PDE7B: variants seen among roughly 807,000 people sequenced by gnomAD.
PDE7B encodes phosphodiesterase 7B, also known as 3',5'-cyclic-AMP phosphodiesterase 7B.
Under a neutral mutation model 56.2 loss-of-function variants are expected in PDE7B, and 29 were observed. The observed-to-expected ratio is 0.52, with a 90% CI of 0.38 to 0.70. PDE7B has a LOEUF of 0.70. PDE7B is among the 30% of genes least tolerant of loss of function. The pLI, the probability that PDE7B is intolerant of heterozygous loss-of-function variation, is 0.00. For synonymous variants in PDE7B, 197 were observed against 196.9 expected (o/e 1.00, Z 0.00); for missense variants, 490 against 565.0 (o/e 0.87, Z 1.35).
chr6:136,007,393 G>A (rs900131005), intron 2 of PDE7B, among the ~76,000 whole-genome samples: 2 of 152,092 alleles, frequency 1.3e-5, no homozygotes, highest in Non-Finnish European at 2.9e-5. Flanking sequence ...CCTTTGTCAG[G>A]TTTTGGTATC....
chr6:136,123,903 G>A (rs9483909), intron 3 of PDE7B, among the ~76,000 whole-genome samples: 5,104 of 152,184 alleles, frequency 0.034, 268 homozygotes, highest in African/African-American at 0.11. Flanking sequence ...GACTAATAGA[G>A]TAATACAATA....
intron 3 of PDE7B, among the ~76,000 whole-genome samples, chr6:136,130,741 TG>T (rs1262410382): frequency 9.9e-5 from 15 of 152,036 alleles, no homozygotes; most frequent in Admixed American, 6.6e-5. Context: ...TACCCGAGAC[TG>T]GGTAATTTAT....
chr6:135,910,568 T>C (rs1776194610), intron 1 of PDE7B, among the ~76,000 whole-genome samples: 1 of 152,212 alleles, frequency 6.6e-6, no homozygotes, highest in African/African-American at 2.4e-5. Flanking sequence ...AGTTGATGCA[T>C]CTACAATGAC....
rs138069820 is a variant in PDE7B at position 135,997,683 on chromosome 6, C to T, written c.82+50159C>T. 4.4e-3 allele frequency among the ~76,000 whole-genome samples: 673 copies of T among 152,016 alleles called. 3 individuals carry two copies. The highest frequency in any genetic ancestry group is 6.7e-3 in the Admixed American group (103 of 15,278). ...ATTATCATAGAAGCATATGTTGAAACATCATTAAACACTATATTTGCAAAA... is the reference window on the plus strand; with the variant it reads ...ATTATCATAGAAGCATATGTTGAAATATCATTAAACACTATATTTGCAAAA... On this transcript the variant is annotated intron_variant, in intron 2 of 12. Transcript: ENST00000308191.
chr6:135,990,912 C>T (rs1274072355), intron 2 of PDE7B, among the ~76,000 whole-genome samples: 1 of 152,110 alleles, frequency 6.6e-6, no homozygotes, highest in African/African-American at 2.4e-5. Context: ...TGCTAGTTGC[C>T]CATTTTTATG....
At position 135,919,325 on chromosome 6, in the gene PDE7B, G is replaced by A. The variant is rs567823069; in HGVS notation, c.22-28139G>A. Among the ~76,000 whole-genome samples the A allele has an allele frequency of 1.8e-4, 27 of 152,228 alleles. 1 individual carries two copies. The South Asian group carries it at 5.6e-3, about 32-fold the overall frequency. Reference sequence around the variant, plus strand: ...GAGGCCTTTTAGGAGGCTTACCTAGGGAACCAGTCTTCCAGATGTTACCAA... The same window carrying A: ...GAGGCCTTTTAGGAGGCTTACCTAGAGAACCAGTCTTCCAGATGTTACCAA... On this transcript the variant is annotated intron_variant, in intron 1 of 12. Coordinates refer to ENST00000308191, the MANE Select transcript of PDE7B (RefSeq NM_018945.4).
chr6:135,971,941 T>C (rs534002596), intron 2 of PDE7B, among the ~76,000 whole-genome samples: 1 of 152,170 alleles, frequency 6.6e-6, no homozygotes, highest in South Asian at 2.1e-4. Context: ...AACGCTATAG[T>C]AAACAGGGAT....
At chr6:136,180,313 A>G (rs1364766031) in intron 10 of PDE7B, among the ~76,000 whole-genome samples, 1 of 152,236 alleles carries the variant, frequency 6.6e-6, no homozygotes, top group East Asian at 1.9e-4. Context: ...AGTTGTGAAT[A>G]GCTGAAAGAT....
At chr6:136,011,478 TC>T (rs1180735855) in intron 2 of PDE7B, among the ~76,000 whole-genome samples, 1 of 152,168 alleles carries the variant, frequency 6.6e-6, no homozygotes, top group Non-Finnish European at 1.5e-5. Context: ...TTTAAACAGA[TC>T]TCTTATTATG....
chr6:135,935,218 T>TTATATATATA (rs1774401330), intron 1 of PDE7B, among the ~76,000 whole-genome samples: 1 of 34,732 alleles, frequency 2.9e-5, no homozygotes. Context: ...ATATATATAT[T>TTATATATATA]TTCATGATTC....
At position 136,187,033 on chromosome 6, in the gene PDE7B, T is replaced by C. The variant is rs1321750994; in HGVS notation, c.1046-3T>C. On this transcript the variant is annotated splice_region_variant and splice_polypyrimidine_tract_variant and intron_variant, in intron 11 of 12. Coordinates refer to ENST00000308191, the MANE Select transcript of PDE7B (RefSeq NM_018945.4). ...GTTTTTTTCTTTCTTTCTTTCTTCT[T>C]AGGTGAACTTGAACAGAAATTTGAA... 1.3e-6 allele frequency: 2 copies of C among 1,488,794 alleles called. No individual in the cohort carries two copies. The highest frequency in any genetic ancestry group is 2.3e-5 in the East Asian group (1 of 44,274). The allele number at this position is 1,488,794 out of a possible 1,614,324, so 92.2% of individuals were successfully genotyped here.
intron 2 of PDE7B, among the ~76,000 whole-genome samples, chr6:136,031,206 G>A (rs970790852): frequency 6.6e-6 from 1 of 152,194 alleles, no homozygotes; most frequent in Non-Finnish European, 1.5e-5. Flanking sequence ...TAAAATCCTT[G>A]CCACATGGTT....
At chr6:136,168,981 G>A (rs1778839767) in intron 8 of PDE7B, among the ~76,000 whole-genome samples, 1 of 152,110 alleles carries the variant, frequency 6.6e-6, no homozygotes, top group Non-Finnish European at 1.5e-5. Flanking sequence ...GGATGTGGTA[G>A]CACAGAGAAA....
At chr6:136,141,451 G>A (rs918339294) in intron 3 of PDE7B, among the ~76,000 whole-genome samples, 11 of 152,100 alleles carry the variant, frequency 7.2e-5, no homozygotes, top group Middle Eastern at 3.2e-3. Context: ...TCTCTGCCAG[G>A]CTTTGGTATC....
At chr6:135,871,136 C>T (rs914744734) in intron 1 of PDE7B, among the ~76,000 whole-genome samples, 1 of 152,172 alleles carries the variant, frequency 6.6e-6, no homozygotes, top group African/African-American at 2.4e-5. Context: ...TCTCTATTTA[C>T]TCTGAGATGT....
intron 2 of PDE7B, among the ~76,000 whole-genome samples, chr6:136,059,696 G>A (rs928124936): frequency 2.6e-5 from 4 of 152,120 alleles, no homozygotes; most frequent in Non-Finnish European, 5.9e-5. Context: ...AAGTCTACTC[G>A]ATTAATCTCC....
At chr6:136,140,525 G>C (rs531445909) in intron 3 of PDE7B, among the ~76,000 whole-genome samples, 1 of 152,296 alleles carries the variant, frequency 6.6e-6, no homozygotes, top group South Asian at 2.1e-4. Context: ...TTGGTAGCTT[G>C]ATGGCAATGG....
At chr6:135,957,087 A>G (rs1014572451) in intron 2 of PDE7B, among the ~76,000 whole-genome samples, 18 of 152,072 alleles carry the variant, frequency 1.2e-4, no homozygotes, top group Admixed American at 7.2e-4. Flanking sequence ...TGAGCCTTAA[A>G]CCTGCGATTG....
At chr6:136,130,094 A>AT (rs1778091510) in intron 3 of PDE7B, among the ~76,000 whole-genome samples, 1 of 151,870 alleles carries the variant, frequency 6.6e-6, no homozygotes, top group Non-Finnish European at 1.5e-5. Flanking sequence ...GAATAAAAAC[A>AT]TTTTTCTGAC....
Sources: gnomAD v4.1 joint callset for allele counts (sites outside exome capture counted in the v4.1 genomes callset) on GRCh38, gnomAD v4.1.1 for gene constraint, MANE v1.5 for transcripts, NCBI Gene and HGNC (gene_info 2026-07-23, HGNC 2026-07-21) for gene names.